The following PPP2R3B variants were observed in gnomAD, a reference collection of about 807,000 sequenced individuals.
The protein encoded by PPP2R3B is protein phosphatase 2 regulatory subunit B''beta.
In PPP2R3B, 68 loss-of-function variants were observed where a neutral mutation model predicts 72.9. That is an observed-to-expected ratio of 0.93 (90% CI 0.77 to 1.14). The LOEUF (loss-of-function observed/expected upper bound fraction) is 1.14. Ranked by LOEUF, PPP2R3B falls within the 50% of genes most tolerant of loss-of-function variation. The pLI, the probability that PPP2R3B is intolerant of heterozygous loss-of-function variation, is 0.00. For missense variants in PPP2R3B, 1,018 were observed against 842.0 expected (o/e 1.21, Z -2.59); for synonymous variants, 466 against 375.8 (o/e 1.24, Z -2.78).
At chrX:339,275 G>A (rs922459868) in intron 10 of PPP2R3B, among the ~76,000 whole-genome samples, 2 of 150,100 alleles carry the variant, frequency 1.3e-5, no homozygotes, top group African/African-American at 4.9e-5. Flanking sequence ...CCATGGCCGG[G>A]GGGGGCAGGG....
chrX:350,669 C>A (rs181362793), intron 2 of PPP2R3B, among the ~76,000 whole-genome samples: 1 of 152,364 alleles, frequency 6.6e-6, no homozygotes, highest in East Asian at 1.9e-4. Flanking sequence ...GAACATGACA[C>A]GCGCGGCTGA....
In PPP2R3B at chrX:338,597, CACTCACCCGTCCTCCCA is replaced by C. The variant is rs746630365; in HGVS notation, c.1567_1577+6del. 2.5e-6 allele frequency: 4 copies of C among 1,598,250 alleles called. No individual in the cohort carries two copies. Among genetic ancestry groups the C allele is most frequent in the South Asian group, 1.1e-5 (1 of 89,890 alleles). On this transcript the variant is annotated splice_donor_variant and splice_donor_5th_base_variant and coding_sequence_variant and intron_variant, in exon 12 of 13. Coordinates refer to ENST00000390665, the MANE Select transcript of PPP2R3B (RefSeq NM_013239.5). LOFTEE classifies it high-confidence loss of function. ...CGTCCCCCCACTCACCCGTCCTCCC[CACTCACCCGTCCTCCCA>C]GGGCTCTCCCGCAGTCTCCTCGGCC...
chrX:347,119 C>T, intron 4 of PPP2R3B, 115 bp downstream of exon 4: 5 of 1,222,304 alleles, frequency 4.1e-6, no homozygotes, highest in Non-Finnish European at 6.0e-6. Flanking sequence ...GACGCGGACC[C>T]TCCCGTGAGG....
In PPP2R3B at chrX:334,361, G is replaced by A. The variant is rs752377864; in HGVS notation, c.*6C>T. On this transcript the variant is annotated 3_prime_UTR_variant, in exon 13 of 13. Coordinates refer to ENST00000390665, the MANE Select transcript of PPP2R3B (RefSeq NM_013239.5). The stretch of plus-strand genomic sequence containing the variant: ...CGGCCCCGCGGCGGCGTTCTCGCGG[G>A]CGGCGTCACAGCGGCTCCAGGTCCT... 3.4e-6 allele frequency: 5 copies of A among 1,491,514 alleles called. No individual in the cohort carries two copies. Among genetic ancestry groups the A allele is most frequent in the Non-Finnish European group, 3.6e-6 (4 of 1,126,518 alleles). 92.4% of individuals were successfully genotyped at this position (1,491,514 alleles called of 1,614,324 possible).
chrX:386,682 C>G lies in PPP2R3B; in HGVS notation c.10G>C (p.Gly4Arg), dbSNP rs755181505. The G allele has an allele frequency of 2.4e-5, 32 of 1,311,394 alleles. No individual in the cohort carries two copies. Among genetic ancestry groups the G allele is most frequent in the Non-Finnish European group, 3.0e-5 (31 of 1,033,552 alleles). The allele number at this position is 1,311,394 out of a possible 1,614,324, so 81.2% of individuals were successfully genotyped here. MPPGKVLQPVLKMK... is the reference protein window; with the variant it reads MPPRKVLQPVLKMK... The stretch of plus-strand genomic sequence containing the variant: ...TTCAGGACCGGCTGCAGCACTTTGC[C>G]GGGCGGCATGGCGGGGGCTGGGCCC... The change falls in exon 1 of 13, where the codon GGC becomes CGC. Residue 4 changes from glycine to arginine, a missense_variant. Transcript: ENST00000390665.
chrX:361,509 G>A lies in PPP2R3B; in HGVS notation c.406C>T (p.Gln136Ter), dbSNP rs2071539848. 2 of 1,614,000 alleles carry A rather than the reference G, an allele frequency of 1.2e-6. No homozygotes were observed. Among genetic ancestry groups the A allele is most frequent in the Non-Finnish European group, 1.7e-6 (2 of 1,179,864 alleles). The change falls in exon 2 of 13, where the codon CAG (glutamine) becomes TAG (stop). Residue 136 changes from glutamine (Q) to a stop codon, truncating the protein, a stop_gained. Coordinates refer to ENST00000390665, the MANE Select transcript of PPP2R3B (RefSeq NM_013239.5). LOFTEE classifies it high-confidence loss of function. ...ACGGCATCCACGTTGACGGAGTCCT[G>A]CGGGCGTCCTCTGGGGAAGTAGAAG... The part of the protein sequence containing the change: ...PTFYFPRGRP[Q>*]DSVNVDAVIS...
At chrX:342,113 G>T in intron 7 of PPP2R3B, 182 bp from the exon 8 acceptor site, 1 of 683,608 alleles carries the variant, frequency 1.5e-6, no homozygotes, top group Non-Finnish European at 2.6e-6. Flanking sequence ...ACGCTTTCCC[G>T]TCGAGCAGAG....
chrX:373,964 T>C, intron 1 of PPP2R3B: 1 of 152,972 alleles, frequency 6.5e-6, no homozygotes, highest in Non-Finnish European at 1.5e-5. Flanking sequence ...CCTCCGGTCC[T>C]CTTCTCTCCT....
At chrX:378,148 G>C (rs1422529644) in intron 1 of PPP2R3B, among the ~76,000 whole-genome samples, 1 of 152,176 alleles carries the variant, frequency 6.6e-6, no homozygotes. Flanking sequence ...TTTTCAGCCT[G>C]TTCCCCCCAA....
chrX:334,655 G>A (rs1397477413), intron 12 of PPP2R3B, 138 bp from the exon 13 acceptor site: 5 of 1,049,992 alleles, frequency 4.8e-6, no homozygotes, highest in Non-Finnish European at 6.3e-6. Flanking sequence ...TCCAGCCGCT[G>A]AGCCAGCAAC....
At chrX:377,657 C>T (rs773284472) in intron 1 of PPP2R3B, among the ~76,000 whole-genome samples, 285 of 136,658 alleles carry the variant, frequency 2.1e-3, no homozygotes, top group Non-Finnish European at 3.7e-3. Flanking sequence ...TATGCAGGGA[C>T]GGGCCGTCCA....
intron 1 of PPP2R3B, among the ~76,000 whole-genome samples, chrX:376,364 C>T (rs1308411698): frequency 5.9e-5 from 9 of 152,318 alleles, no homozygotes; most frequent in African/African-American, 7.2e-5. Flanking sequence ...CCGCACCACC[C>T]GCCCCCAGTG....
At chrX:359,956 CT>C in intron 2 of PPP2R3B, 7 of 409,230 alleles carry the variant, frequency 1.7e-5, no homozygotes, top group South Asian at 1.2e-4. Context: ...TAAAACAAAA[CT>C]TTTTAAAATA....
In PPP2R3B at chrX:345,650, T is replaced by G. The variant is rs774391565; in HGVS notation, c.902A>C (p.Glu301Ala). Residue 301 changes from glutamate to alanine, a missense_variant, in exon 7 of 13, where the codon GAG becomes GCG. Coordinates refer to ENST00000390665, the MANE Select transcript of PPP2R3B (RefSeq NM_013239.5). ...TTCGGTCAGCTGGTTGATGTCCGCC[T>G]CCTCCTCCAGCAGCGCCACATTCTG... ...FLQNVALLEE[E>A]ADINQLTEFF... The G allele has an allele frequency of 3.2e-5, 52 of 1,612,506 alleles. No individual in the cohort carries two copies. Among genetic ancestry groups the G allele is most frequent in the Non-Finnish European group, 4.0e-5 (47 of 1,179,362 alleles).
intron 7 of PPP2R3B, chrX:345,156 G>C: frequency 1.9e-6 from 1 of 529,340 alleles, no homozygotes; most frequent in Non-Finnish European, 3.6e-6. Context: ...TTGGGGGCTG[G>C]AACCTGGAGC....
intron 2 of PPP2R3B, among the ~76,000 whole-genome samples, chrX:355,848 T>C (rs888246677): frequency 6.6e-6 from 1 of 152,206 alleles, no homozygotes; most frequent in Admixed American, 6.5e-5. Flanking sequence ...CAGAGAAAAG[T>C]CCAGCGCACG....
At chrX:380,846 G>A (rs764418066) in intron 1 of PPP2R3B, among the ~76,000 whole-genome samples, 1 of 140,020 alleles carries the variant, frequency 7.1e-6, no homozygotes, top group Admixed American at 7.3e-5. Context: ...AATTCCCCTT[G>A]TAAGAACTTA....
intron 7 of PPP2R3B, 55 bp from the exon 8 acceptor site, chrX:341,986 A>G: frequency 3.8e-6 from 6 of 1,599,900 alleles, no homozygotes; most frequent in Non-Finnish European, 4.3e-6. Flanking sequence ...CCCCGACGTC[A>G]CCACCCCCCG....
At chrX:364,592 C>G (rs965314651) in intron 1 of PPP2R3B, among the ~76,000 whole-genome samples, 23 of 148,922 alleles carry the variant, frequency 1.5e-4, no homozygotes, top group Non-Finnish European at 2.2e-4. Context: ...GTGGAGGGTG[C>G]CTGTACTCCC....
Sources: gnomAD v4.1 joint callset for allele counts (sites outside exome capture counted in the v4.1 genomes callset) on GRCh38, gnomAD v4.1.1 for gene constraint, MANE v1.5 for transcripts, NCBI Gene and HGNC (gene_info 2026-07-23, HGNC 2026-07-21) for gene names.